Variants in SORL1 observed in about 807,000 individuals in gnomAD.
SORL1 encodes the protein sortilin-related receptor.
In SORL1, 127 loss-of-function variants were observed where a neutral mutation model predicts 273.7. The ratio of observed to expected loss-of-function variants is 0.46; its 90% CI spans 0.40 to 0.54. The LOEUF (loss-of-function observed/expected upper bound fraction) is 0.54. SORL1 is among the 20% of genes least tolerant of loss of function. The pLI is 0.00. For synonymous variants in SORL1, 1,031 were observed against 1,067.4 expected, an observed-to-expected ratio of 0.97 and a Z score of 0.66; for missense variants, 2,494 against 2,846.1, an observed-to-expected ratio of 0.88 and a Z score of 2.81.
chr11:121,473,596 T>A (rs1475225341), intron 2 of SORL1, among the ~76,000 whole-genome samples: 1 of 152,114 alleles, frequency 6.6e-6, no homozygotes, highest in African/African-American at 2.4e-5. Flanking sequence ...CACCAGAAGA[T>A]CAGAATCAAC....
chr11:121,586,180 TTCC>T, intron 26 of SORL1, 39 bp from the exon 27 acceptor site: 1 of 1,517,728 alleles, frequency 6.6e-7, no homozygotes, highest in Non-Finnish European at 9.2e-7. Context: ...GCCTGCCTGT[TTCC>T]TCCTCGTCAT....
At chr11:121,468,035 A>G (rs1406615558) in intron 1 of SORL1, among the ~76,000 whole-genome samples, 1 of 152,150 alleles carries the variant, frequency 6.6e-6, no homozygotes, top group African/African-American at 2.4e-5. Context: ...CTGCCAGCCA[A>G]ATATGTGGCA....
At chr11:121,467,707 T>C (rs1861104849) in intron 1 of SORL1, among the ~76,000 whole-genome samples, 1 of 152,130 alleles carries the variant, frequency 6.6e-6, no homozygotes, top group African/African-American at 2.4e-5. Context: ...ATCCAGGGGA[T>C]TGGGCTGGAG....
At chr11:121,465,822 C>T (rs537955372) in intron 1 of SORL1, among the ~76,000 whole-genome samples, 1 of 152,194 alleles carries the variant, frequency 6.6e-6, no homozygotes, top group African/African-American at 2.4e-5. Context: ...CCACCACGCC[C>T]GGCTGGGTGT....
intron 12 of SORL1, among the ~76,000 whole-genome samples, chr11:121,532,995 C>T (rs1402563369): frequency 6.6e-6 from 1 of 152,044 alleles, no homozygotes; most frequent in Non-Finnish European, 1.5e-5. Flanking sequence ...GATTTAAACT[C>T]TTTATCTCCC....
rs1863861919 is a variant in SORL1 at position 121,630,623 on chromosome 11, C to T, written c.*1060C>T. The T allele has an allele frequency of 6.6e-6, 1 of 152,182 alleles. No individual in the cohort carries two copies. Among genetic ancestry groups the T allele is most frequent in the Non-Finnish European group, 1.5e-5 (1 of 68,040 alleles). The allele number at this position is 152,182 out of a possible 1,614,324, so 9.4% of individuals were successfully genotyped here. Reference sequence around the variant, plus strand: ...GTCATTTTGAATTGGACAGTGCCTTCTCTTTTTTTTTCTCCTCTTCTTCCA... The same window carrying T: ...GTCATTTTGAATTGGACAGTGCCTTTTCTTTTTTTTTCTCCTCTTCTTCCA... On this transcript the variant is annotated 3_prime_UTR_variant, in exon 48 of 48. Transcript: ENST00000260197.
At chr11:121,510,713 G>T (rs890295102) in intron 6 of SORL1, among the ~76,000 whole-genome samples, 2 of 152,178 alleles carry the variant, frequency 1.3e-5, no homozygotes, top group Non-Finnish European at 2.9e-5. Context: ...CCACTGCTCA[G>T]GAGGAAAGGG....
At chr11:121,517,430 A>G (rs1861971948) in intron 8 of SORL1, among the ~76,000 whole-genome samples, 1 of 152,218 alleles carries the variant, frequency 6.6e-6, no homozygotes, top group Non-Finnish European at 1.5e-5. Flanking sequence ...ATTCATTTTA[A>G]TGGGTGAATA....
At chr11:121,456,123 G>A (rs941874920) in intron 1 of SORL1, among the ~76,000 whole-genome samples, 10 of 152,086 alleles carry the variant, frequency 6.6e-5, no homozygotes, top group Non-Finnish European at 1.0e-4. Flanking sequence ...GTCTGTCTGC[G>A]CCATCATACC....
Position 121,550,321 on chromosome 11 carries a change from CA to C in SORL1, c.2180+234del, listed in dbSNP as rs1862488879. Among the ~76,000 whole-genome samples the C allele has an allele frequency of 6.6e-6, 1 of 152,192 alleles. No individual in the cohort carries two copies. The highest frequency in any genetic ancestry group is 2.4e-5 in the African/African-American group (1 of 41,456). ...TAGGAATATCTTAAGTCATCAACTTCAGCAGGGAAACATCTTCAGAGGAATG... is the reference window on the plus strand; with the variant it reads ...TAGGAATATCTTAAGTCATCAACTTCGCAGGGAAACATCTTCAGAGGAATG... On this transcript the variant is annotated intron_variant, in intron 15 of 47. Transcript: ENST00000260197. The surrounding 1 kb of genome is among the most constrained non-coding windows in gnomAD (Gnocchi z 5.3).
intron 11 of SORL1, among the ~76,000 whole-genome samples, chr11:121,530,879 C>T (rs1481905825): frequency 6.6e-6 from 1 of 152,134 alleles, no homozygotes; most frequent in African/African-American, 2.4e-5. Flanking sequence ...GTAATTTCTA[C>T]AGATCTATAT....
chr11:121,532,657 A>G (rs765589098), intron 12 of SORL1, 105 bp downstream of exon 12: 3 of 933,672 alleles, frequency 3.2e-6, no homozygotes, highest in Admixed American at 4.7e-5. Context: ...TGTTGACAGC[A>G]CAATTTGTGA....
chr11:121,460,097 T>A (rs1860971656), intron 1 of SORL1, among the ~76,000 whole-genome samples: 1 of 152,222 alleles, frequency 6.6e-6, no homozygotes, highest in Non-Finnish European at 1.5e-5. Context: ...AAGATGTACC[T>A]ATATCAAATG....
chr11:121,607,352 G>A (rs1555087589), intron 37 of SORL1, 62 bp downstream of exon 37: 2 of 919,166 alleles, frequency 2.2e-6, no homozygotes, highest in Non-Finnish European at 3.5e-6. Context: ...AATTGCTGCT[G>A]TTTTGTGAGA....
intron 11 of SORL1, among the ~76,000 whole-genome samples, chr11:121,529,754 A>G (rs932777145): frequency 3.9e-5 from 6 of 152,002 alleles, no homozygotes; most frequent in Non-Finnish European, 7.4e-5. Flanking sequence ...TTTTTTACTC[A>G]TTCTGCCAAG....
In SORL1 at chr11:121,551,720, C is replaced by T. The variant is rs1050258881; in HGVS notation, c.2266+1050C>T. On this transcript the variant is annotated intron_variant, in intron 16 of 47. Transcript: ENST00000260197. The stretch of plus-strand genomic sequence containing the variant: ...CACAGGCAGGGCAGGGCAGCCCTCT[C>T]TTTTGCTCACTGCCGCCAGCTTGCC... Among the ~76,000 whole-genome samples, 3 of 152,216 alleles carry T rather than the reference C, an allele frequency of 2.0e-5. 1 individual carries two copies. Among genetic ancestry groups the T allele is most frequent in the African/African-American group, 7.2e-5 (3 of 41,452 alleles).
intron 16 of SORL1, among the ~76,000 whole-genome samples, chr11:121,552,452 A>G (rs1862520437): frequency 6.6e-6 from 1 of 152,196 alleles, no homozygotes; most frequent in Non-Finnish European, 1.5e-5. Context: ...AGTTTCTTAG[A>G]GGAAAAAAAA....
intron 1 of SORL1, among the ~76,000 whole-genome samples, chr11:121,466,417 A>G (rs1291867328): frequency 6.6e-6 from 1 of 152,184 alleles, no homozygotes; most frequent in Non-Finnish European, 1.5e-5. Flanking sequence ...ACCGGAAGCC[A>G]CTGATTAAGT....
At chr11:121,577,636 T>C (rs896811662) in intron 25 of SORL1, among the ~76,000 whole-genome samples, 1 of 152,252 alleles carries the variant, frequency 6.6e-6, no homozygotes, top group African/African-American at 2.4e-5. Flanking sequence ...ATCGTTGATT[T>C]ATGTTCTGGC....
Sources: gnomAD v4.1 joint callset for allele counts (sites outside exome capture counted in the v4.1 genomes callset) on GRCh38, gnomAD v4.1.1 for gene constraint, Gnocchi (gnomAD v3.1) non-coding constraint, MANE v1.5 for transcripts, NCBI Gene and HGNC (gene_info 2026-07-23, HGNC 2026-07-21) for gene names.